The following CLVS1 variants were observed in gnomAD, a reference collection of about 807,000 sequenced individuals.
CLVS1 encodes the protein clavesin 1.
A neutral mutation model predicts 33.1 loss-of-function variants in CLVS1; 10 were observed. That is an observed-to-expected ratio of 0.30 (90% CI 0.19 to 0.51). The LOEUF (loss-of-function observed/expected upper bound fraction) is 0.51, where lower values mean the gene tolerates loss of function less well. Ranked by LOEUF, CLVS1 falls within the 20% of genes least tolerant of loss-of-function variation. CLVS1 has a pLI of 0.97. For synonymous variants in CLVS1, 163 were observed against 166.1 expected (o/e 0.98, Z 0.14); for missense variants, 343 against 433.4 (o/e 0.79, Z 1.85).
At chr8:61,396,838 A>G (rs1814547699) in intron 3 of CLVS1, among the ~76,000 whole-genome samples, 1 of 152,168 alleles carries the variant, frequency 6.6e-6, no homozygotes, top group Non-Finnish European at 1.5e-5. Context: ...TAATGTTTTC[A>G]AGGTGATTCC....
chr8:61,291,271 G>C (rs990564616), intron 1 of CLVS1, among the ~76,000 whole-genome samples: 34 of 152,110 alleles, frequency 2.2e-4, no homozygotes, highest in African/African-American at 7.7e-4. Flanking sequence ...CTAATTTCCT[G>C]TGAGCTTTTG....
intron 1 of CLVS1, among the ~76,000 whole-genome samples, chr8:61,062,053 G>T (rs1415316632): frequency 6.6e-6 from 1 of 152,082 alleles, no homozygotes; most frequent in Non-Finnish European, 1.5e-5. Flanking sequence ...ATGTCATTGT[G>T]CCTCGTTGCT....
intron 1 of CLVS1, among the ~76,000 whole-genome samples, chr8:61,091,820 G>A (rs1805255406): frequency 6.6e-6 from 1 of 152,150 alleles, no homozygotes; most frequent in South Asian, 2.1e-4. Flanking sequence ...TGTCAGAAAG[G>A]TCACAGTATT....
intron 2 of CLVS1, among the ~76,000 whole-genome samples, chr8:61,213,042 C>T (rs1468523305): frequency 6.6e-6 from 1 of 151,994 alleles, no homozygotes; most frequent in Non-Finnish European, 1.5e-5. Context: ...CACTATCCCT[C>T]ACCACTCCCA....
chr8:61,177,118 A>G (rs113534845), intron 2 of CLVS1, among the ~76,000 whole-genome samples: 27 of 152,264 alleles, frequency 1.8e-4, no homozygotes, highest in African/African-American at 6.3e-4. Flanking sequence ...AGCCATTTCT[A>G]TGGCTCCAGG....
At chr8:61,487,289 T>G (rs1803920495) in intron 5 of CLVS1, among the ~76,000 whole-genome samples, 1 of 152,182 alleles carries the variant, frequency 6.6e-6, no homozygotes. Flanking sequence ...TTTTGAGAAT[T>G]TAAATAAAAA....
chr8:61,428,888 G>A (rs933704445), intron 3 of CLVS1, among the ~76,000 whole-genome samples: 11 of 152,150 alleles, frequency 7.2e-5, no homozygotes, highest in Non-Finnish European at 5.9e-5. Flanking sequence ...TAAAACCCGC[G>A]TTATTCAAGG....
chr8:61,403,086 C>T (rs1006057348), intron 3 of CLVS1, among the ~76,000 whole-genome samples: 20 of 152,038 alleles, frequency 1.3e-4, no homozygotes, highest in Non-Finnish European at 2.8e-4. Flanking sequence ...TGTGGTTGGC[C>T]TTATTGAGGT....
chr8:60,978,547 G>T, the CLVS1 span, among the ~76,000 whole-genome samples: 1 of 152,138 alleles, frequency 6.6e-6, no homozygotes. Context: ...AGGTGCAGTG[G>T]CTCATGCCTG....
rs1462908906 is a variant in CLVS1, at chr8:61,357,489, C to CTTTTT, written c.456-19112_456-19111insTTTTT. Among the ~76,000 whole-genome samples the CTTTTT allele has an allele frequency of 5.6e-4, 17 of 30,260 alleles. No individual in the cohort carries two copies. The East Asian group carries it at 0.012, about 21-fold the overall frequency. The allele number at this position is 30,260 out of a possible 152,430, so 19.9% of individuals were successfully genotyped here. On this transcript the variant is annotated intron_variant, in intron 2 of 5. Transcript: ENST00000325897. ...TTTTCCTTCTTTTTCTTTCCTTTTTCTTTTCTTTTTTTTTTTTTTTTTTTT... is the reference window on the plus strand; with the variant it reads ...TTTTCCTTCTTTTTCTTTCCTTTTTCTTTTTTTTTCTTTTTTTTTTTTTTTTTTTT...
intron 2 of CLVS1, among the ~76,000 whole-genome samples, chr8:61,191,017 C>A (rs1247536778): frequency 6.6e-6 from 1 of 152,194 alleles, no homozygotes; most frequent in African/African-American, 2.4e-5. Context: ...CTCCCTAACT[C>A]ATTTTATGAG....
At chr8:61,360,771 T>A (rs1234036125) in intron 2 of CLVS1, among the ~76,000 whole-genome samples, 2 of 152,258 alleles carry the variant, frequency 1.3e-5, no homozygotes, top group Non-Finnish European at 2.9e-5. Flanking sequence ...GCTCTTTCAC[T>A]GATTCTTGAA....
intron 3 of CLVS1, among the ~76,000 whole-genome samples, chr8:61,384,819 C>A (rs181205678): frequency 1.3e-5 from 2 of 152,210 alleles, no homozygotes; most frequent in East Asian, 1.9e-4. Flanking sequence ...GAGAAAAGAA[C>A]CCAAGTGAAG....
chr8:61,303,947 G>T (rs1417189016), intron 2 of CLVS1, among the ~76,000 whole-genome samples: 2 of 152,190 alleles, frequency 1.3e-5, no homozygotes, highest in African/African-American at 2.4e-5. Flanking sequence ...GCAACCAGGG[G>T]CTGGAGTACA....
intron 3 of CLVS1, 62 bp from the exon 4 acceptor site, chr8:61,454,079 G>T (rs1817061294): frequency 1.7e-6 from 2 of 1,154,686 alleles, no homozygotes; most frequent in Middle Eastern, 4.4e-4. Flanking sequence ...CATTGGTCCT[G>T]CTGGTCCAGT....
chr8:61,330,723 T>G (rs1377033096), intron 2 of CLVS1, among the ~76,000 whole-genome samples: 3 of 152,176 alleles, frequency 2.0e-5, no homozygotes, highest in African/African-American at 7.2e-5. Context: ...CTGTGTTGTC[T>G]CTGCTATTTT....
chr8:61,277,744 G>A (rs186392414), intron 2 of CLVS1, among the ~76,000 whole-genome samples: 21 of 152,200 alleles, frequency 1.4e-4, no homozygotes, highest in Admixed American at 2.6e-4. Context: ...AATAACGTCC[G>A]TAGATTCTCA....
intron 2 of CLVS1, among the ~76,000 whole-genome samples, chr8:61,209,187 T>C (rs1563446003): frequency 2.0e-5 from 3 of 152,212 alleles, no homozygotes; most frequent in Non-Finnish European, 1.5e-5. Context: ...TTAAGGAAGA[T>C]GCAAAATGAA....
upstream of CLVS1, among the ~76,000 whole-genome samples, chr8:61,055,476 G>C (rs1373268185): frequency 6.6e-6 from 1 of 152,148 alleles, no homozygotes; most frequent in East Asian, 1.9e-4. Flanking sequence ...CCCATAATCA[G>C]TCTGAAAAGG....
Sources: allele counts gnomAD v4.1 joint callset (sites outside exome capture counted in the v4.1 genomes callset), GRCh38; gene constraint gnomAD v4.1.1; transcripts MANE v1.5; gene names NCBI Gene and HGNC (gene_info 2026-07-23, HGNC 2026-07-21).